The following ATF6 variants were observed in gnomAD, a reference collection of about 807,000 sequenced individuals.
ATF6 encodes activating transcription factor 6.
In ATF6, 53 loss-of-function variants were observed where a neutral mutation model predicts 83.6. The ratio of observed to expected loss-of-function variants is 0.63; its 90% CI spans 0.51 to 0.80. The LOEUF is 0.80. Ranked by LOEUF, ATF6 falls within the 30% of genes least tolerant of loss-of-function variation. ATF6 has a pLI of 0.00. For missense variants in ATF6, 744 were observed against 797.9 expected (o/e 0.93, Z 0.81); for synonymous variants, 288 against 285.8 (o/e 1.01, Z -0.08).
intron 15 of ATF6, among the ~76,000 whole-genome samples, chr1:161,947,002 GGTATATGTGTAAGAA>G (rs1422662729): frequency 2.4e-4 from 37 of 152,110 alleles, no homozygotes; most frequent in African/African-American, 8.7e-4. Flanking sequence ...GAATTCACTC[GGTATATGTGTAAGAA>G]TGACTGCTTC....
At chr1:161,856,127 T>C (rs1341276535) in intron 12 of ATF6, among the ~76,000 whole-genome samples, 1 of 152,260 alleles carries the variant, frequency 6.6e-6, no homozygotes, top group Non-Finnish European at 1.5e-5. Context: ...GTATGTGTTA[T>C]GTTCTAAAGT....
rs570991185 is a variant in ATF6, at chr1:161,864,881, A to G, written c.1719+1569A>G. 7.9e-5 allele frequency among the ~76,000 whole-genome samples: 12 copies of G among 152,350 alleles called. No homozygotes were observed. In the South Asian group the frequency reaches 2.3e-3, roughly 29 times the overall value. ...ATTATGTTCAAAGTAGGAGAAAAAA[A>G]GTAAACTTTTAAGAAGATTCAGTAC... On this transcript the variant is annotated intron_variant, in intron 14 of 15. Coordinates refer to ENST00000367942, the MANE Select transcript of ATF6 (RefSeq NM_007348.4).
chr1:161,773,929 G>C (rs1557952774), intron 1 of ATF6, among the ~76,000 whole-genome samples: 1 of 152,084 alleles, frequency 6.6e-6, no homozygotes, highest in Non-Finnish European at 1.5e-5. Context: ...CAAAAGATCA[G>C]TACACTGATA....
intron 14 of ATF6, among the ~76,000 whole-genome samples, chr1:161,884,815 C>G (rs931988601): frequency 2.2e-4 from 33 of 152,226 alleles, no homozygotes; most frequent in African/African-American, 7.5e-4. Flanking sequence ...TTTAAATTAA[C>G]ATTGAGAAAT....
At chr1:161,924,623 A>C (rs1688275083) in intron 15 of ATF6, among the ~76,000 whole-genome samples, 2 of 152,218 alleles carry the variant, frequency 1.3e-5, no homozygotes, top group African/African-American at 4.8e-5. Context: ...ATTTAGATTA[A>C]ATAGTGAGAC....
At chr1:161,918,725 C>A (rs1260936111) in intron 15 of ATF6, among the ~76,000 whole-genome samples, 4 of 152,144 alleles carry the variant, frequency 2.6e-5, no homozygotes, top group African/African-American at 9.7e-5. Context: ...AAGTTACATA[C>A]AACTTGGAAA....
chr1:161,797,589 A>C (rs1186241441), intron 6 of ATF6, among the ~76,000 whole-genome samples: 2 of 152,170 alleles, frequency 1.3e-5, no homozygotes, highest in Non-Finnish European at 2.9e-5. Flanking sequence ...AAAGAATATA[A>C]AGTACCTGGG....
chr1:161,928,726 G>C (rs1436700223), intron 15 of ATF6, among the ~76,000 whole-genome samples: 1 of 151,886 alleles, frequency 6.6e-6, no homozygotes, highest in Non-Finnish European at 1.5e-5. Context: ...ACAAAACATA[G>C]CATTTAATAG....
rs1995481 is a variant in ATF6, at chr1:161,859,558, A to G, written c.1534-649A>G. Among the ~76,000 whole-genome samples the G allele has an allele frequency of 2.7e-3, 411 of 152,316 alleles. 1 individual carries two copies. The highest frequency in any genetic ancestry group is 5.9e-3 in the Admixed American group (90 of 15,294). On this transcript the variant is annotated intron_variant, in intron 12 of 15. Transcript: ENST00000367942. ...CTTTCTAATGAAATAGAACTTGGTA[A>G]TATGCCCTTGAAGTCTGATACCCTG... is the stretch of plus-strand genomic sequence containing the variant.
chr1:161,829,706 C>A (rs911023442), intron 9 of ATF6, among the ~76,000 whole-genome samples: 2 of 152,046 alleles, frequency 1.3e-5, no homozygotes, highest in African/African-American at 4.8e-5. Context: ...ACAAAAACCA[C>A]ATAATTATCT....
chr1:161,785,157 GCCAGGCACTGTT>G, intron 4 of ATF6, among the ~76,000 whole-genome samples: 1 of 152,248 alleles, frequency 6.6e-6, no homozygotes, highest in African/African-American at 2.4e-5. Context: ...CAACCGCTGT[GCCAGGCACTGTT>G]CCAGATGCTG....
chr1:161,848,153 C>G (rs906420599), intron 10 of ATF6, among the ~76,000 whole-genome samples: 2 of 150,868 alleles, frequency 1.3e-5, no homozygotes, highest in Non-Finnish European at 3.0e-5. Flanking sequence ...ATTATGGATT[C>G]TTGATTCCAT....
intron 15 of ATF6, among the ~76,000 whole-genome samples, chr1:161,950,978 T>A (rs367858367): frequency 2.1e-4 from 32 of 152,266 alleles, no homozygotes; most frequent in African/African-American, 7.2e-4. Context: ...TGGAAAAGAG[T>A]AGCCAGGTCC....
chr1:161,797,694 T>A (rs995609291), intron 6 of ATF6, among the ~76,000 whole-genome samples: 8 of 152,136 alleles, frequency 5.3e-5, no homozygotes, highest in Non-Finnish European at 1.0e-4. Context: ...GGAAAAACAT[T>A]CCATGCTCAT....
chr1:161,788,918 T>G (rs1351899805), intron 4 of ATF6, among the ~76,000 whole-genome samples: 1 of 152,168 alleles, frequency 6.6e-6, no homozygotes, highest in Non-Finnish European at 1.5e-5. Context: ...TCCTGCACAT[T>G]CCTTAGAAAA....
intron 3 of ATF6, among the ~76,000 whole-genome samples, chr1:161,783,749 T>C (rs899134874): frequency 1.3e-5 from 2 of 151,158 alleles, no homozygotes; most frequent in African/African-American, 4.9e-5. Flanking sequence ...CACATATATA[T>C]ACACACACAC....
chr1:161,925,578 A>T (rs776503092), intron 15 of ATF6, among the ~76,000 whole-genome samples: 2 of 152,172 alleles, frequency 1.3e-5, no homozygotes, highest in Non-Finnish European at 2.9e-5. Context: ...TGTAACATTC[A>T]TCTTACTTGT....
intron 9 of ATF6, among the ~76,000 whole-genome samples, chr1:161,835,824 A>G (rs892631963): frequency 1.2e-4 from 19 of 152,184 alleles, no homozygotes; most frequent in African/African-American, 4.1e-4. Context: ...TTCTATTTTA[A>G]AGGTCACTAT....
chr1:161,843,460 A>G, intron 9 of ATF6, among the ~76,000 whole-genome samples: 1 of 152,190 alleles, frequency 6.6e-6, no homozygotes. Context: ...TGGATGAATC[A>G]TTCATTCTGG....
Sources: gnomAD v4.1 joint callset for allele counts (sites outside exome capture counted in the v4.1 genomes callset) on GRCh38, gnomAD v4.1.1 for gene constraint, MANE v1.5 for transcripts, NCBI Gene and HGNC (gene_info 2026-07-23, HGNC 2026-07-21) for gene names.